The following POLR1D variants were observed in gnomAD, a reference collection of about 807,000 sequenced individuals.
POLR1D encodes RNA polymerase I and III subunit D, also known as DNA-directed RNA polymerases I and III subunit RPAC2.
In POLR1D, 8 loss-of-function variants were observed where a neutral mutation model predicts 10.8. The observed-to-expected ratio is 0.74, with a 90% CI of 0.43 to 1.33. The LOEUF is 1.33. Ranked by LOEUF, POLR1D falls within the 40% of genes most tolerant of loss-of-function variation. The pLI, the probability that POLR1D is intolerant of heterozygous loss-of-function variation, is 0.01. For missense variants in POLR1D, 152 were observed against 161.7 expected, an observed-to-expected ratio of 0.94 and a Z score of 0.32; for synonymous variants, 54 against 57.2, an observed-to-expected ratio of 0.94 and a Z score of 0.25.
intron 1 of POLR1D, among the ~76,000 whole-genome samples, chr13:27,635,160 TGA>T (rs1421418381): frequency 6.6e-6 from 1 of 152,156 alleles, no homozygotes; most frequent in Non-Finnish European, 1.5e-5. Context: ...ATCAAATGAA[TGA>T]GAGAGTAACT....
chr13:27,666,456 G>GT (rs1389192843), exon 3 of POLR1D: 2 of 153,372 alleles, frequency 1.3e-5, no homozygotes, highest in African/African-American at 4.8e-5. Flanking sequence ...CTCTGCATTT[G>GT]TTTTCCCTTA....
chr13:27,620,786 C>G (rs1566138542), upstream of POLR1D: 1 of 153,490 alleles, frequency 6.5e-6, no homozygotes, highest in South Asian at 1.9e-4. Context: ...CCCGGGCTGT[C>G]CCCGCCGCCC....
chr13:27,653,887 C>T (rs1358038736), intron 2 of POLR1D, among the ~76,000 whole-genome samples: 2 of 152,082 alleles, frequency 1.3e-5, no homozygotes, highest in African/African-American at 2.4e-5. Flanking sequence ...GTTATTTTGG[C>T]TGAAGTATGT....
chr13:27,623,790 G>A (rs1955979085), downstream of POLR1D, among the ~76,000 whole-genome samples: 1 of 152,216 alleles, frequency 6.6e-6, no homozygotes, highest in Admixed American at 6.5e-5. Flanking sequence ...TAATTTGGAA[G>A]AAGTGTGAGA....
downstream of POLR1D, among the ~76,000 whole-genome samples, chr13:27,623,799 G>A (rs1788974594): frequency 6.6e-6 from 1 of 152,202 alleles, no homozygotes; most frequent in Admixed American, 6.5e-5. Flanking sequence ...AGAAGTGTGA[G>A]AATTCTGGTT....
At chr13:27,650,034 G>T in intron 2 of POLR1D, 1 of 398,386 alleles carries the variant, frequency 2.5e-6, no homozygotes, top group Non-Finnish European at 4.4e-6. Flanking sequence ...TTATACTTGT[G>T]GTTACAGCTT....
intron 2 of POLR1D, among the ~76,000 whole-genome samples, chr13:27,652,891 A>G (rs1286622202): frequency 6.8e-6 from 1 of 147,284 alleles, no homozygotes; most frequent in African/African-American, 2.5e-5. Flanking sequence ...AAAACTTGCC[A>G]GAAGTTGCAT....
chr13:27,622,963 T>C lies in POLR1D; in HGVS notation c.115T>C (p.Cys39Arg). 8.1e-6 allele frequency: 13 copies of C among 1,613,858 alleles called. No homozygotes were observed. The highest frequency in any genetic ancestry group is 1.1e-5 in the Non-Finnish European group (13 of 1,179,704). The change falls in exon 2 of 2, where the codon TGT becomes CGT. Residue 39 changes from cysteine (C) to arginine (R), a missense_variant. Physicochemically the swap from Cys to Arg is radical, Grantham distance 180. Coordinates refer to ENST00000302979, the MANE Select transcript of POLR1D (RefSeq NM_015972.4). ...MVQAAGTDRHCVTFVLHEEDH... is the reference protein window; with the variant it reads ...MVQAAGTDRHRVTFVLHEEDH... ...CCAGGCAGCTGGAACAGATAGACAC[T>C]GTGTGACATTTGTATTGCACGAGGA...
At chr13:27,655,824 A>G (rs1274588261) in intron 2 of POLR1D, among the ~76,000 whole-genome samples, 6 of 143,214 alleles carry the variant, frequency 4.2e-5, no homozygotes, top group African/African-American at 1.5e-4. Context: ...TCAAGAATAG[A>G]GACTGGGGGA....
intron 2 of POLR1D, chr13:27,648,526 T>C: frequency 1.1e-6 from 1 of 935,624 alleles, no homozygotes; most frequent in Non-Finnish European, 1.7e-6. Context: ...ATGTAAATCT[T>C]TAGCATATAG....
At chr13:27,640,719 TTTA>T (rs1328548498) in intron 1 of POLR1D, among the ~76,000 whole-genome samples, 1 of 152,204 alleles carries the variant, frequency 6.6e-6, no homozygotes, top group Non-Finnish European at 1.5e-5. Context: ...CATAGATCAT[TTTA>T]TTATTTTACA....
chr13:27,634,416 G>C (rs1476637635), intron 1 of POLR1D, among the ~76,000 whole-genome samples: 1 of 152,174 alleles, frequency 6.6e-6, no homozygotes, highest in East Asian at 1.9e-4. Flanking sequence ...GAACAAGCCA[G>C]AACATGAGGA....
chr13:27,632,252 A>C (rs989496639), intron 1 of POLR1D, among the ~76,000 whole-genome samples: 1 of 152,174 alleles, frequency 6.6e-6, no homozygotes, highest in East Asian at 1.9e-4. Flanking sequence ...TTTCCTTGGG[A>C]TCTTATCCCC....
rs942206779 is a variant in POLR1D, at chr13:27,637,331, C to T, written c.27-11048C>T. ...TCTGCAGCCTTTCTAGTGGTTCCTC[C>T]TGTGCTGTTGAATTCAGCATCTGTA... On this transcript the variant is annotated intron_variant, in intron 1 of 2. Transcript: ENST00000399697. 4.6e-5 allele frequency among the ~76,000 whole-genome samples: 7 copies of T among 152,156 alleles called. 1 individual carries two copies. The highest frequency in any genetic ancestry group is 1.4e-4 in the African/African-American group (6 of 41,444).
At chr13:27,635,982 A>G (rs763687561) in intron 1 of POLR1D, among the ~76,000 whole-genome samples, 10 of 152,202 alleles carry the variant, frequency 6.6e-5, no homozygotes, top group Non-Finnish European at 1.3e-4. Context: ...TTCTAAAAGC[A>G]CTGAGAGGTG....
At chr13:27,650,168 A>G (rs902730038) in intron 2 of POLR1D, 3 of 397,470 alleles carry the variant, frequency 7.5e-6, no homozygotes, top group African/African-American at 2.1e-5. Flanking sequence ...GATAATAAGC[A>G]TGGAATATTG....
chr13:27,662,479 A>G (rs1350655157), intron 2 of POLR1D, among the ~76,000 whole-genome samples: 1 of 152,194 alleles, frequency 6.6e-6, no homozygotes, highest in African/African-American at 2.4e-5. Context: ...AGGTCAGATC[A>G]AGTTTTGCTG....
intron 2 of POLR1D, among the ~76,000 whole-genome samples, chr13:27,655,092 G>A (rs370175110): frequency 2.0e-5 from 3 of 152,028 alleles, no homozygotes; most frequent in African/African-American, 7.2e-5. Flanking sequence ...GGAGACAAAG[G>A]GTCATTTGTT....
intron 1 of POLR1D, among the ~76,000 whole-genome samples, chr13:27,631,510 C>T (rs1377645932): frequency 6.6e-6 from 1 of 152,204 alleles, no homozygotes; most frequent in Admixed American, 6.5e-5. Context: ...TTGGCACCAT[C>T]TTAGCGGCTG....
Sources: gnomAD v4.1 joint callset for allele counts (sites outside exome capture counted in the v4.1 genomes callset) on GRCh38, gnomAD v4.1.1 for gene constraint, MANE v1.5 for transcripts, NCBI Gene and HGNC (gene_info 2026-07-23, HGNC 2026-07-21) for gene names.